Variants in CTRC observed in about 807,000 individuals in gnomAD.
CTRC encodes the protein chymotrypsin-C.
In CTRC, 32 loss-of-function variants were observed where a neutral mutation model predicts 35.7. The observed-to-expected ratio is 0.90, with a 90% CI of 0.68 to 1.20. CTRC has a LOEUF of 1.20. CTRC is among the 50% of genes most tolerant of loss of function. The probability of loss-of-function intolerance (pLI) is 0.00; values close to 1 mark genes in which losing one functional copy is unlikely to be tolerated. For missense variants in CTRC, 324 were observed against 361.5 expected (o/e 0.90, Z 0.84); for synonymous variants, 119 against 149.5 (o/e 0.80, Z 1.49).
chr1:15,445,389 T>TGACACCCCA (rs1400237203), intron 6 of CTRC, among the ~76,000 whole-genome samples: 1 of 152,210 alleles, frequency 6.6e-6, no homozygotes, highest in Admixed American at 6.5e-5. Context: ...AGAGCTAGTC[T>TGACACCCCA]GACACCCCAG....
intron 1 of CTRC, among the ~76,000 whole-genome samples, chr1:15,439,423 CAAAA>C (rs35524971): frequency 9.0e-6 from 1 of 110,894 alleles, no homozygotes; most frequent in Non-Finnish European, 1.9e-5. Context: ...AACTCCGTCT[CAAAA>C]AAAAAAAAAA....
intron 1 of CTRC, among the ~76,000 whole-genome samples, chr1:15,438,969 A>G (rs1213517718): frequency 6.6e-6 from 1 of 152,160 alleles, no homozygotes. Flanking sequence ...AAATCTCACT[A>G]ACTTTTTTGG....
Position 15,445,741 on chromosome 1 carries a change from A to C in CTRC, c.784A>C (p.Ile262Leu). The change falls in exon 7 of 8, where the codon ATC becomes CTC. Residue 262 changes from isoleucine (I) to leucine (L), a missense_variant. Coordinates refer to ENST00000375949, the MANE Select transcript of CTRC (RefSeq NM_007272.3). ...YTRVSAYIDW[I>L]NEKMQL ...CCGGGTGTCCGCCTACATCGACTGGATCAACGAGGTGGGTGCTGCCTCCAC... is the reference window on the plus strand; with the variant it reads ...CCGGGTGTCCGCCTACATCGACTGGCTCAACGAGGTGGGTGCTGCCTCCAC... 1 of 1,614,096 alleles carries C rather than the reference A, an allele frequency of 6.2e-7. No individual in the cohort carries two copies. Among genetic ancestry groups the C allele is most frequent in the Middle Eastern group, 1.6e-4 (1 of 6,062 alleles).
At position 15,443,422 on chromosome 1, in the gene CTRC, T is replaced by C; in HGVS notation, c.360T>C (p.Asn120=). ...HKRWNALLLR[N]DIALIKLAEH... ...CCCTCTCCACTTTGGATTCCAGCAA[T>C]GATATTGCCCTCATCAAGCTTGCAG... is the stretch of plus-strand genomic sequence containing the variant. Residue 120 remains asparagine, a synonymous_variant, in exon 5 of 8, where the codon AAT becomes AAC. Transcript: ENST00000375949. 6.2e-7 allele frequency: 1 copy of C among 1,614,208 alleles called. No individual in the cohort carries two copies. Among genetic ancestry groups the C allele is most frequent in the Non-Finnish European group, 8.5e-7 (1 of 1,180,032 alleles).
At chr1:15,441,266 G>A (rs1030471131) in intron 3 of CTRC, among the ~76,000 whole-genome samples, 1 of 152,160 alleles carries the variant, frequency 6.6e-6, no homozygotes, top group South Asian at 2.1e-4. Flanking sequence ...GGGAAGAGCT[G>A]AAAGGGGGAT....
intron 3 of CTRC, among the ~76,000 whole-genome samples, chr1:15,440,940 G>A (rs1275145148): frequency 6.6e-6 from 1 of 152,216 alleles, no homozygotes; most frequent in African/African-American, 2.4e-5. Flanking sequence ...AGCACTCTGG[G>A]AGGCCGACGC....
rs759881879 is a variant in CTRC at position 15,445,688 on chromosome 1, A to T, written c.731A>T (p.Asn244Ile). The T allele has an allele frequency of 1.2e-6, 2 of 1,613,938 alleles. No individual in the cohort carries two copies. ...IVSFGSRRGCNTRKKPVVYTR... is the reference protein window; with the variant it reads ...IVSFGSRRGCITRKKPVVYTR... ...AGCTTTGGCTCCCGGCGGGGCTGCA[A>T]CACCCGCAAGAAGCCGGTAGTCTAC... The change falls in exon 7 of 8, where the codon AAC becomes ATC. Residue 244 changes from asparagine (N) to isoleucine (I), a missense_variant. Coordinates refer to ENST00000375949, the MANE Select transcript of CTRC (RefSeq NM_007272.3).
intron 6 of CTRC, 76 bp from the exon 7 acceptor site, chr1:15,445,520 AC>A (rs1485357794): frequency 6.0e-6 from 9 of 1,509,892 alleles, no homozygotes; most frequent in Middle Eastern, 3.8e-4. Context: ...CACATCCCCC[AC>A]CCCAACCCAG....
Position 15,438,485 on chromosome 1 carries a change from C to G in CTRC, c.21C>G (p.Leu7=). The G allele has an allele frequency of 6.2e-7, 1 of 1,614,102 alleles. No individual in the cohort carries two copies. ...TAACCATGTTGGGCATCACTGTCCTCGCTGCGCTCTTGGCCTGTGGTAAGC... is the reference window on the plus strand; with the variant it reads ...TAACCATGTTGGGCATCACTGTCCTGGCTGCGCTCTTGGCCTGTGGTAAGC... MLGITV[L]AALLACASSC... is the part of the protein sequence containing the mutation. The change falls in exon 1 of 8, where the codon CTC becomes CTG. Residue 7 remains leucine (L), a synonymous_variant. Transcript: ENST00000375949.
intron 5 of CTRC, 145 bp downstream of exon 5, chr1:15,443,700 A>G (rs1708171067): frequency 3.1e-6 from 3 of 982,122 alleles, no homozygotes; most frequent in Non-Finnish European, 4.7e-6. Flanking sequence ...TTTACTAAGC[A>G]CATACCATGT....
At chr1:15,438,556 T>C in intron 1 of CTRC, 52 bp downstream of exon 1, 1 of 1,607,356 alleles carries the variant, frequency 6.2e-7, no homozygotes, top group African/African-American at 1.3e-5. Flanking sequence ...CGGGCTGGCC[T>C]CCAGGGCAAG....
Position 15,444,685 on chromosome 1 carries a change from G to A in CTRC, c.573G>A (p.Trp191Ter). 2 of 1,614,226 alleles carry A rather than the reference G, an allele frequency of 1.2e-6. No homozygotes were observed. Among genetic ancestry groups the A allele is most frequent in the Non-Finnish European group, 8.5e-7 (1 of 1,180,034 alleles). ...ACGCCACGTGCTCCAGGATTGACTG[G>A]TGGGGCTTCAGGGTGAAGAAAACCA... ...VDHATCSRID[W>*]WGFRVKKTMV... Residue 191 changes from tryptophan (W) to a stop codon, truncating the protein, a stop_gained, in exon 6 of 8, where the codon TGG (tryptophan) becomes TGA (stop). Coordinates refer to ENST00000375949, the MANE Select transcript of CTRC (RefSeq NM_007272.3). LOFTEE classifies it high-confidence loss of function.
intron 1 of CTRC, among the ~76,000 whole-genome samples, chr1:15,440,062 G>A (rs1165493413): frequency 6.6e-6 from 1 of 152,090 alleles, no homozygotes; most frequent in African/African-American, 2.4e-5. Flanking sequence ...TTTTTTATGT[G>A]TTGTCTAATT....
At position 15,446,922 on chromosome 1, in the gene CTRC, G is replaced by A. The variant is rs763801614; in HGVS notation, c.*333G>A. On this transcript the variant is annotated 3_prime_UTR_variant, in exon 8 of 8. Transcript: ENST00000375949. The stretch of plus-strand genomic sequence containing the variant: ...GAAGGACGCATCAGACACCTTCCCC[G>A]CTCCATCTCACAAGCTGCGAACAGG... 2.6e-4 allele frequency: 121 copies of A among 461,196 alleles called. No individual in the cohort carries two copies. Among genetic ancestry groups the A allele is most frequent in the Middle Eastern group, 1.9e-3 (3 of 1,598 alleles). The allele number at this position is 461,196 out of a possible 1,614,324, so 28.6% of individuals were successfully genotyped here.
chr1:15,445,893 T>C, intron 7 of CTRC, 144 bp downstream of exon 7: 1 of 971,200 alleles, frequency 1.0e-6, no homozygotes, highest in Non-Finnish European at 1.6e-6. Context: ...CATTCATGCA[T>C]TCATTCATTT....
rs917968688 is a variant in CTRC, at chr1:15,446,987, T to A, written c.*398T>A. The A allele has an allele frequency of 8.8e-6, 3 of 339,472 alleles. No individual in the cohort carries two copies. Among genetic ancestry groups the A allele is most frequent in the Non-Finnish European group, 1.7e-5 (3 of 173,918 alleles). 21.0% of individuals were successfully genotyped at this position (339,472 alleles called of 1,614,324 possible). Reference sequence around the variant, plus strand: ...AATCACTCGCTTCTCCGATCCTACCTCCACCGAGGGGCCTGGCAGGTCCTC... The same window carrying A: ...AATCACTCGCTTCTCCGATCCTACCACCACCGAGGGGCCTGGCAGGTCCTC... On this transcript the variant is annotated 3_prime_UTR_variant, in exon 8 of 8. Transcript: ENST00000375949.
At position 15,440,373 on chromosome 1, in the gene CTRC, C is replaced by G; in HGVS notation, c.114C>G (p.Pro38=). The G allele has an allele frequency of 6.2e-7, 1 of 1,612,426 alleles. No individual in the cohort carries two copies. Among genetic ancestry groups the G allele is most frequent in the Non-Finnish European group, 8.5e-7 (1 of 1,179,552 alleles). ...ARVVGGEDAR[P]HSWPWQISLQ... Reference sequence around the variant, plus strand: ...TGGTGGGAGGAGAGGATGCCCGGCCCCACAGCTGGCCCTGGCAGGTAAGCC... The same window carrying G: ...TGGTGGGAGGAGAGGATGCCCGGCCGCACAGCTGGCCCTGGCAGGTAAGCC... The change falls in exon 2 of 8, where the codon CCC becomes CCG. Residue 38 remains proline, a synonymous_variant. Transcript: ENST00000375949.
Position 15,445,644 on chromosome 1 carries a change from G to A in CTRC, c.687G>A (p.Trp229Ter). The change falls in exon 7 of 8, where the codon TGG (tryptophan) becomes TGA (stop). Residue 229 changes from tryptophan (W) to a stop codon, truncating the protein, a stop_gained. Coordinates refer to ENST00000375949, the MANE Select transcript of CTRC (RefSeq NM_007272.3). LOFTEE classifies it high-confidence loss of function. ...PLNCQLENGS[W>*]EVFGIVSFGS... ...ACTGCCAGTTGGAGAACGGTTCCTGGGAGGTGTTTGGCATCGTCAGCTTTG... is the reference window on the plus strand; with the variant it reads ...ACTGCCAGTTGGAGAACGGTTCCTGAGAGGTGTTTGGCATCGTCAGCTTTG... 6.2e-7 allele frequency: 1 copy of A among 1,614,214 alleles called. No individual in the cohort carries two copies. The highest frequency in any genetic ancestry group is 8.5e-7 in the Non-Finnish European group (1 of 1,180,038).
At chr1:15,442,810 T>C (rs1476524932) in intron 4 of CTRC, among the ~76,000 whole-genome samples, 1 of 151,598 alleles carries the variant, frequency 6.6e-6, no homozygotes, top group East Asian at 1.9e-4. Context: ...CCCCCCACAG[T>C]GTCTCTCCAG....
Sources: allele counts gnomAD v4.1 joint callset (sites outside exome capture counted in the v4.1 genomes callset), GRCh38; gene constraint gnomAD v4.1.1; transcripts MANE v1.5; gene names NCBI Gene and HGNC (gene_info 2026-07-23, HGNC 2026-07-21).